LRRC37A2: variants seen among roughly 807,000 people sequenced by gnomAD.
LRRC37A2 encodes the protein leucine-rich repeat-containing protein 37A2.
A neutral mutation model predicts 68.8 loss-of-function variants in LRRC37A2; 9 were observed. The ratio of observed to expected loss-of-function variants is 0.13; its 90% CI spans 0.08 to 0.23. The LOEUF (loss-of-function observed/expected upper bound fraction) is 0.23, where lower values mean the gene tolerates loss of function less well. LRRC37A2 is among the 10% of genes least tolerant of loss of function. The probability of loss-of-function intolerance (pLI) is 1.00; values close to 1 mark genes in which losing one functional copy is unlikely to be tolerated. For synonymous variants in LRRC37A2, 63 were observed against 367.6 expected (o/e 0.17, Z 9.48); for missense variants, 168 against 950.4 (o/e 0.18, Z 10.82).
At chr17:46,729,274 G>T in the LRRC37A2 span, among the ~76,000 whole-genome samples, 2 of 152,188 alleles carry the variant, frequency 1.3e-5, no homozygotes, top group South Asian at 4.1e-4. Flanking sequence ...AGAAGGCATT[G>T]AATATGTTCC....
intron 6 of LRRC37A2, among the ~76,000 whole-genome samples, chr17:46,534,966 G>C (rs2054420924): frequency 6.7e-6 from 1 of 149,946 alleles, no homozygotes; most frequent in South Asian, 2.1e-4. Flanking sequence ...TCACTTCTCA[G>C]ACGGGGCGGC....
chr17:46,778,170 C>T, the LRRC37A2 span, among the ~76,000 whole-genome samples: 4 of 152,174 alleles, frequency 2.6e-5, no homozygotes, highest in Non-Finnish European at 2.9e-5. Flanking sequence ...TGTCACCAAC[C>T]TCATTTCTCC....
chr17:46,876,052 G>A, the LRRC37A2 span, among the ~76,000 whole-genome samples: 2 of 152,316 alleles, frequency 1.3e-5, no homozygotes, highest in Admixed American at 1.3e-4. Flanking sequence ...GGTGTGAACT[G>A]GGACTGCTGT....
At chr17:46,780,620 CA>C in the LRRC37A2 span, among the ~76,000 whole-genome samples, 1 of 151,962 alleles carries the variant, frequency 6.6e-6, no homozygotes, top group Non-Finnish European at 1.5e-5. Flanking sequence ...ACTAAAAATA[CA>C]AAAAATTAGC....
At chr17:46,942,096 A>G in the LRRC37A2 span, 1 of 277,272 alleles carries the variant, frequency 3.6e-6, no homozygotes, top group Non-Finnish European at 5.5e-6. Flanking sequence ...GCACAAGAAC[A>G]AATCAAGTCA....
At chr17:46,940,647 C>G in the LRRC37A2 span, 1 of 1,613,758 alleles carries the variant, frequency 6.2e-7, no homozygotes, top group East Asian at 2.2e-5. Flanking sequence ...AGGCAGAAGT[C>G]CCCGCACCCA....
At chr17:46,936,767 G>A in the LRRC37A2 span, 18 of 982,450 alleles carry the variant, frequency 1.8e-5, no homozygotes, top group East Asian at 1.7e-3. Context: ...TGATTGTATT[G>A]TCACTATCTC....
the LRRC37A2 span, among the ~76,000 whole-genome samples, chr17:46,712,257 T>C: frequency 8.5e-5 from 13 of 152,354 alleles, no homozygotes; most frequent in East Asian, 2.5e-3. Context: ...ATCATAATTA[T>C]GCTAGCAGTT....
chr17:46,539,768 CAAAAAAAAAAA>C (rs1204528686), intron 6 of LRRC37A2, among the ~76,000 whole-genome samples: 1 of 67,036 alleles, frequency 1.5e-5, no homozygotes, highest in Non-Finnish European at 2.7e-5. Context: ...GACTCCATCT[CAAAAAAAAAAA>C]AAAAAAAAAA....
At chr17:46,834,264 C>T in the LRRC37A2 span, among the ~76,000 whole-genome samples, 4 of 152,284 alleles carry the variant, frequency 2.6e-5, no homozygotes, top group African/African-American at 4.8e-5. Flanking sequence ...ACCAAAACGA[C>T]GGATTTGCCA....
the LRRC37A2 span, among the ~76,000 whole-genome samples, chr17:46,723,053 A>T: frequency 6.6e-6 from 1 of 152,188 alleles, no homozygotes. Flanking sequence ...GTGATTTGGA[A>T]TGCTTTGTGA....
At chr17:46,911,387 G>C in the LRRC37A2 span, 3 of 152,200 alleles carry the variant, frequency 2.0e-5, no homozygotes, top group Admixed American at 1.3e-4. Flanking sequence ...ATTGAGAGGA[G>C]AGTAGAACTC....
chr17:46,946,616 A>G, the LRRC37A2 span, among the ~76,000 whole-genome samples: 2 of 152,108 alleles, frequency 1.3e-5, no homozygotes, highest in African/African-American at 4.8e-5. Flanking sequence ...TAATCCCAGC[A>G]CTTTGGGAGG....
the LRRC37A2 span, among the ~76,000 whole-genome samples, chr17:46,761,105 G>A: frequency 6.6e-6 from 1 of 152,210 alleles, no homozygotes; most frequent in Non-Finnish European, 1.5e-5. Flanking sequence ...ACTGTAAGAT[G>A]TAGAGGAGAT....
At chr17:46,926,226 G>A in the LRRC37A2 span, among the ~76,000 whole-genome samples, 3 of 152,276 alleles carry the variant, frequency 2.0e-5, no homozygotes, top group East Asian at 5.8e-4. Flanking sequence ...TAAAGGCAAA[G>A]TGAGTGAAAT....
At chr17:46,770,767 G>T in the LRRC37A2 span, among the ~76,000 whole-genome samples, 4 of 152,164 alleles carry the variant, frequency 2.6e-5, no homozygotes, top group African/African-American at 7.2e-5. Context: ...TCCAGCGCAG[G>T]GAAAGGAGAG....
the LRRC37A2 span, chr17:47,021,981 T>C: frequency 4.2e-6 from 6 of 1,438,254 alleles, no homozygotes; most frequent in African/African-American, 5.6e-5. Context: ...TCTTTCTTGG[T>C]CCAGCATTTT....
chr17:46,929,970 C>A, the LRRC37A2 span: 1 of 177,772 alleles, frequency 5.6e-6, no homozygotes. Flanking sequence ...TATTCAGAAA[C>A]GAACAGCAAT....
At chr17:47,018,852 A>G in the LRRC37A2 span, 3 of 1,520,074 alleles carry the variant, frequency 2.0e-6, no homozygotes, top group Non-Finnish European at 2.7e-6. Context: ...GTTTACCATC[A>G]CTCCAGAATC....
Sources: allele counts gnomAD v4.1 joint callset (sites outside exome capture counted in the v4.1 genomes callset), GRCh38; gene constraint gnomAD v4.1.1; transcripts MANE v1.5; gene names NCBI Gene and HGNC (gene_info 2026-07-23, HGNC 2026-07-21).